Variants in MYO3B observed in about 807,000 individuals in gnomAD.
The protein encoded by MYO3B is myosin IIIB.
Under a neutral mutation model 174.6 loss-of-function variants are expected in MYO3B, and 156 were observed. That is an observed-to-expected ratio of 0.89 (90% CI 0.78 to 1.02). MYO3B has a LOEUF of 1.02. MYO3B is among the 50% of genes least tolerant of loss of function. The probability of loss-of-function intolerance (pLI) is 0.00; values close to 1 mark genes in which losing one functional copy is unlikely to be tolerated. For synonymous variants in MYO3B, 563 were observed against 569.1 expected, an observed-to-expected ratio of 0.99 and a Z score of 0.15; for missense variants, 1,632 against 1,639.4, an observed-to-expected ratio of 1.00 and a Z score of 0.08.
intron 34 of MYO3B, 67 bp from the exon 35 acceptor site, chr2:170,652,916 G>A (rs1346725716): frequency 6.3e-7 from 1 of 1,579,466 alleles, no homozygotes; most frequent in Non-Finnish European, 8.7e-7. Context: ...GACTTTAGCT[G>A]CCCCAGTGAT....
In MYO3B at chr2:170,206,733, T is replaced by A. The variant is rs539183569; in HGVS notation, c.321+6449T>A. ...CTTCTCTCCCTCTTCCCTCTCCCTT[T>A]TCCCTGGGTGGCATCTGGATCTGGG... On this transcript the variant is annotated intron_variant, in intron 3 of 34. Transcript: ENST00000408978. This position sits in a 1 kb window ranked among gnomAD's most constrained non-coding sequence, Gnocchi z 4.3. Among the ~76,000 whole-genome samples the A allele has an allele frequency of 2.6e-5, 4 of 152,260 alleles. No homozygotes were observed. The East Asian group carries it at 7.7e-4, about 29-fold the overall frequency.
At chr2:170,367,640 A>G (rs796829360) in intron 8 of MYO3B, among the ~76,000 whole-genome samples, 6 of 152,314 alleles carry the variant, frequency 3.9e-5, no homozygotes, top group African/African-American at 1.4e-4. Flanking sequence ...TTTTTCAGGA[A>G]ACATGGTTAT....
intron 7 of MYO3B, among the ~76,000 whole-genome samples, chr2:170,246,851 G>C (rs2093196332): frequency 1.3e-5 from 2 of 152,084 alleles, no homozygotes; most frequent in Non-Finnish European, 2.9e-5. Context: ...GTTAGGGATG[G>C]GACAATGCGG....
chr2:170,545,766 G>C (rs190093325), intron 32 of MYO3B, among the ~76,000 whole-genome samples: 27 of 152,234 alleles, frequency 1.8e-4, no homozygotes, highest in Non-Finnish European at 2.9e-5. Context: ...TATTGGGTCT[G>C]CCACCATCAC....
chr2:170,405,009 A>G (rs1331449285), intron 20 of MYO3B, among the ~76,000 whole-genome samples: 1 of 152,208 alleles, frequency 6.6e-6, no homozygotes, highest in Admixed American at 6.5e-5. Flanking sequence ...GCTTGGGGCA[A>G]TGAAGCCTCA....
At position 170,448,046 on chromosome 2, in the gene MYO3B, C is replaced by T. The variant is rs146839995; in HGVS notation, c.2730+4000C>T. On this transcript the variant is annotated intron_variant, in intron 23 of 34. Transcript: ENST00000408978. ...TACTGATGTTATCCCCAGGAGCAATCTGGGGAGGTTTAGAGTCTTGCAGCC... is the reference window on the plus strand; with the variant it reads ...TACTGATGTTATCCCCAGGAGCAATTTGGGGAGGTTTAGAGTCTTGCAGCC... Among the ~76,000 whole-genome samples the T allele has an allele frequency of 4.3e-3, 648 of 152,298 alleles. 4 individuals are homozygous for T. Among genetic ancestry groups the T allele is most frequent in the African/African-American group, 0.015 (633 of 41,542 alleles).
In MYO3B at chr2:170,203,546, C is replaced by T. The variant is rs2092686277; in HGVS notation, c.321+3262C>T. On this transcript the variant is annotated intron_variant, in intron 3 of 34. Transcript: ENST00000408978. ...GAAAGAGAGACAGCAGACAGAGAGACCGACAGACCGATGGACCTTTGTCCA... is the reference window on the plus strand; with the variant it reads ...GAAAGAGAGACAGCAGACAGAGAGATCGACAGACCGATGGACCTTTGTCCA... Among the ~76,000 whole-genome samples the T allele has an allele frequency of 2.0e-5, 3 of 151,198 alleles. No individual in the cohort carries two copies. The South Asian group carries it at 6.3e-4, about 32-fold the overall frequency.
intron 1 of MYO3B, among the ~76,000 whole-genome samples, chr2:170,178,547 A>C (rs1246584230): frequency 1.6e-4 from 4 of 25,604 alleles, no homozygotes; most frequent in African/African-American, 3.7e-4. Flanking sequence ...ACAGACACAC[A>C]CCACACACAC....
At chr2:170,540,801 C>T (rs1478046838) in intron 30 of MYO3B, among the ~76,000 whole-genome samples, 1 of 152,182 alleles carries the variant, frequency 6.6e-6, no homozygotes, top group East Asian at 1.9e-4. Flanking sequence ...AGTGCCTCAA[C>T]ATGGTACAGA....
intron 28 of MYO3B, among the ~76,000 whole-genome samples, chr2:170,506,271 A>C (rs1381954178): frequency 6.6e-6 from 1 of 152,200 alleles, no homozygotes; most frequent in African/African-American, 2.4e-5. Flanking sequence ...AACAGAACCA[A>C]GTTTTTGGTG....
intron 23 of MYO3B, among the ~76,000 whole-genome samples, chr2:170,462,753 C>G (rs1404072368): frequency 6.6e-6 from 1 of 152,220 alleles, no homozygotes; most frequent in African/African-American, 2.4e-5. Flanking sequence ...TGCAGTCAGC[C>G]CCTACAATTG....
intron 23 of MYO3B, among the ~76,000 whole-genome samples, chr2:170,448,603 C>T (rs995441589): frequency 6.6e-6 from 1 of 152,140 alleles, no homozygotes; most frequent in African/African-American, 2.4e-5. Flanking sequence ...AGTTTTAATG[C>T]ATTTATAGAA....
chr2:170,276,070 C>T (rs1017676335), intron 7 of MYO3B, among the ~76,000 whole-genome samples: 1 of 152,130 alleles, frequency 6.6e-6, no homozygotes, highest in African/African-American at 2.4e-5. Context: ...AGCAATCATT[C>T]GTAGATTACT....
chr2:170,645,425 T>C (rs1047271227), intron 32 of MYO3B, among the ~76,000 whole-genome samples: 22 of 139,230 alleles, frequency 1.6e-4, no homozygotes, highest in Admixed American at 4.9e-4. Flanking sequence ...ACTGAGATCG[T>C]GCCACTGCAC....
intron 3 of MYO3B, among the ~76,000 whole-genome samples, chr2:170,202,063 G>A (rs2092667910): frequency 6.6e-6 from 1 of 152,170 alleles, no homozygotes; most frequent in African/African-American, 2.4e-5. Context: ...CATCCTTCCT[G>A]ATGAGGAGTG....
intron 7 of MYO3B, among the ~76,000 whole-genome samples, chr2:170,283,328 C>T (rs963014298): frequency 6.6e-6 from 1 of 152,166 alleles, no homozygotes; most frequent in Non-Finnish European, 1.5e-5. Flanking sequence ...TATCAAGGCT[C>T]TCAGGGGATC....
chr2:170,649,422 T>A (rs1698826625), intron 32 of MYO3B, among the ~76,000 whole-genome samples: 1 of 128,238 alleles, frequency 7.8e-6, no homozygotes, highest in African/African-American at 3.0e-5. Flanking sequence ...ACATATAAAA[T>A]ATATATAATA....
chr2:170,214,596 C>G, intron 4 of MYO3B, 113 bp downstream of exon 4: 1 of 1,315,320 alleles, frequency 7.6e-7, no homozygotes, highest in African/African-American at 1.4e-5. Context: ...GCAAGGATTA[C>G]TAACAGCAGG....
chr2:170,355,716 A>G (rs967678803), intron 8 of MYO3B, among the ~76,000 whole-genome samples: 6 of 152,174 alleles, frequency 3.9e-5, no homozygotes, highest in African/African-American at 1.4e-4. Flanking sequence ...CATTCTTTGC[A>G]ATGAATAGCA....
Sources: gnomAD v4.1 joint callset for allele counts (sites outside exome capture counted in the v4.1 genomes callset) on GRCh38, gnomAD v4.1.1 for gene constraint, Gnocchi (gnomAD v3.1) non-coding constraint, MANE v1.5 for transcripts, NCBI Gene and HGNC (gene_info 2026-07-23, HGNC 2026-07-21) for gene names.